Variants in CEACAM21 observed in about 807,000 individuals in gnomAD.
The protein encoded by CEACAM21 is cell adhesion molecule CEACAM21.
Under a neutral mutation model 33.2 loss-of-function variants are expected in CEACAM21, and 38 were observed. That is an observed-to-expected ratio of 1.14 (90% CI 0.88 to 1.50). CEACAM21 has a LOEUF of 1.50. Among genes scored for constraint, CEACAM21 ranks in the 40% most tolerant of loss-of-function variants. The pLI is 0.00. For synonymous variants in CEACAM21, 156 were observed against 143.0 expected (o/e 1.09, Z -0.65); for missense variants, 385 against 364.6 (o/e 1.06, Z -0.46).
chr19:41,581,539 C>G (rs2043385905), intron 3 of CEACAM21, among the ~76,000 whole-genome samples: 1 of 152,098 alleles, frequency 6.6e-6, no homozygotes, highest in Non-Finnish European at 1.5e-5. Context: ...CCGAGCTGGT[C>G]TTGGCTGCTG....
In CEACAM21 at chr19:41,584,408, A is replaced by C. The variant is rs202112556; in HGVS notation, c.762A>C (p.Ala254=). The C allele has an allele frequency of 4.2e-5, 68 of 1,610,304 alleles. No homozygotes were observed. The Admixed American group carries it at 4.4e-4, about 10-fold the overall frequency. ...GVLVGSLLVA[A]LVCFLLLRKT... ...TGGTTGGGAGTCTTCTGGTGGCTGC[A>C]CTTGTGTGTTTCCTGCTCCTCCGAA... Residue 254 remains alanine, a synonymous_variant, in exon 4 of 7, where the codon GCA becomes GCC. Transcript: ENST00000401445.
At position 41,579,552 on chromosome 19, in the gene CEACAM21, C is replaced by T. The variant is rs145055281; in HGVS notation, c.624C>T (p.Asp208=). The T allele has an allele frequency of 1.1e-5, 18 of 1,608,176 alleles. No homozygotes were observed. The highest frequency in any genetic ancestry group is 3.4e-5 in the Admixed American group (2 of 58,950). The part of the protein sequence containing the change: ...VLTIDPIRQE[D]AGEYQCEVSN... Reference sequence around the variant, plus strand: ...CCATAGACCCCATCAGGCAGGAGGACGCTGGGGAGTATCAGTGTGAGGTCT... The same window carrying T: ...CCATAGACCCCATCAGGCAGGAGGATGCTGGGGAGTATCAGTGTGAGGTCT... The change falls in exon 3 of 7, where the codon GAC becomes GAT. Residue 208 remains aspartate, a synonymous_variant. Coordinates refer to ENST00000401445, the MANE Select transcript of CEACAM21 (RefSeq NM_001098506.4).
intron 3 of CEACAM21, among the ~76,000 whole-genome samples, chr19:41,581,878 C>G (rs11879359): frequency 6.6e-6 from 1 of 152,118 alleles, no homozygotes; most frequent in African/African-American, 2.4e-5. Context: ...TCATTCCACC[C>G]GACCCCTCCC....
At chr19:41,580,939 CT>C (rs2043329700) in intron 3 of CEACAM21, among the ~76,000 whole-genome samples, 1 of 152,214 alleles carries the variant, frequency 6.6e-6, no homozygotes, top group African/African-American at 2.4e-5. Flanking sequence ...TGCCTAGGGG[CT>C]GCCAGTCATC....
intron 1 of CEACAM21, among the ~76,000 whole-genome samples, chr19:41,556,696 C>T (rs2041553701): frequency 6.6e-6 from 1 of 152,222 alleles, no homozygotes; most frequent in Admixed American, 6.5e-5. Flanking sequence ...GAATTGAACC[C>T]AGGCCATGGT....
At chr19:41,565,307 G>C (rs1027846412) in intron 2 of CEACAM21, among the ~76,000 whole-genome samples, 9 of 152,158 alleles carry the variant, frequency 5.9e-5, no homozygotes, top group African/African-American at 2.2e-4. Context: ...CTAAGGAGAG[G>C]AGTGAAGGTG....
Position 41,586,489 on chromosome 19 carries a change from T to C in CEACAM21, c.*26T>C. The C allele has an allele frequency of 1.6e-6, 1 of 637,612 alleles. No homozygotes were observed. Among genetic ancestry groups the C allele is most frequent in the South Asian group, 1.4e-5 (1 of 73,436 alleles). The allele number at this position is 637,612 out of a possible 1,614,324, so 39.5% of individuals were successfully genotyped here. A position where few individuals can be genotyped will look rare whatever the true frequency, so the allele number is the denominator to read the frequency against. On this transcript the variant is annotated 3_prime_UTR_variant, in exon 7 of 7. Coordinates refer to ENST00000401445, the MANE Select transcript of CEACAM21 (RefSeq NM_001098506.4). ...GAATTGCTACACTCTGACACAAACA[T>C]TTACTGCTGGATCGACCACAAAGCA...
chr19:41,577,796 T>C (rs1436912978), intron 2 of CEACAM21, among the ~76,000 whole-genome samples: 3 of 152,312 alleles, frequency 2.0e-5, no homozygotes, highest in Middle Eastern at 3.4e-3. Context: ...ATGCGGGAGA[T>C]GCAGCGGGGG....
intron 1 of CEACAM21, 118 bp from the exon 2 acceptor site, chr19:41,577,080 GAC>G (rs148980547): frequency 0.077 from 56,996 of 738,096 alleles, no homozygotes; most frequent in South Asian, 0.12. Context: ...GACCCAGTAG[GAC>G]ACACACACAC....
chr19:41,550,199 T>C (rs994048749), intron 1 of CEACAM21: 1 of 152,210 alleles, frequency 6.6e-6, no homozygotes, highest in African/African-American at 2.4e-5. Context: ...AGAAGTTTGG[T>C]TTAATTTCTA....
rs117834151 is a variant in CEACAM21 at position 41,564,975 on chromosome 19, G to T, written c.-485G>T. On this transcript the variant is annotated 5_prime_UTR_variant, in exon 2 of 8. Transcript: ENST00000407170. Reference sequence around the variant, plus strand: ...CGAAGGGTGAGGGAGGGACTGCAGCGCAGGAACTGAGGAGGAGAGGCCCGC... The same window carrying T: ...CGAAGGGTGAGGGAGGGACTGCAGCTCAGGAACTGAGGAGGAGAGGCCCGC... The T allele has an allele frequency of 3.6e-3, 556 of 152,524 alleles. 1 individual carries two copies. Among genetic ancestry groups the T allele is most frequent in the Admixed American group, 8.0e-3 (123 of 15,306 alleles). 9.4% of individuals were successfully genotyped at this position (152,524 alleles called of 1,614,324 possible).
chr19:41,576,151 G>A, upstream of CEACAM21: 1 of 1,170,106 alleles, frequency 8.5e-7, no homozygotes, highest in Middle Eastern at 2.1e-4. Context: ...GCTCCTGCCT[G>A]AGAGGAAGCT....
At position 41,586,733 on chromosome 19, in the gene CEACAM21, C is replaced by T. The variant is rs929234111; in HGVS notation, c.*270C>T. ...GCCCCGGGCTCTGGGTGGGCCAAGG[C>T]GAAGGCTTCCCATCACCACAGGAAG... On this transcript the variant is annotated 3_prime_UTR_variant, in exon 7 of 7. Transcript: ENST00000401445. The T allele has an allele frequency of 3.8e-5, 14 of 370,638 alleles. No individual in the cohort carries two copies. The highest frequency in any genetic ancestry group is 8.8e-4 in the Middle Eastern group (1 of 1,138). The allele number at this position is 370,638 out of a possible 1,614,324, so 23.0% of individuals were successfully genotyped here.
intron 2 of CEACAM21, among the ~76,000 whole-genome samples, chr19:41,578,629 T>G (rs1555792171): frequency 6.6e-6 from 1 of 152,084 alleles, no homozygotes; most frequent in Non-Finnish European, 1.5e-5. Context: ...GAGAGGGAGA[T>G]TCTGGTCTGA....
intron 2 of CEACAM21, among the ~76,000 whole-genome samples, chr19:41,578,516 G>T (rs145028284): frequency 1.1e-3 from 171 of 152,294 alleles, no homozygotes; most frequent in African/African-American, 4.0e-3. Context: ...ACCACCGTGT[G>T]TCTGCAGCCC....
intron 1 of CEACAM21, chr19:41,551,919 T>C (rs1355489158): frequency 6.6e-6 from 1 of 152,136 alleles, no homozygotes; most frequent in Non-Finnish European, 1.5e-5. Flanking sequence ...CCAGCCAGTG[T>C]GTTCCCAGAC....
intron 6 of CEACAM21, 135 bp from the exon 7 acceptor site, chr19:41,586,329 A>C: frequency 1.7e-6 from 1 of 587,430 alleles, no homozygotes; most frequent in Non-Finnish European, 3.2e-6. Context: ...CAGAGGAGGG[A>C]GGGGCCTGGG....
At chr19:41,570,181 C>G (rs1301788851) in intron 2 of CEACAM21, among the ~76,000 whole-genome samples, 1 of 152,294 alleles carries the variant, frequency 6.6e-6, no homozygotes, top group African/African-American at 2.4e-5. Flanking sequence ...GAGGGTGACA[C>G]AGGACTCAGG....
At chr19:41,571,001 C>T (rs530061998) in intron 2 of CEACAM21, among the ~76,000 whole-genome samples, 2 of 152,064 alleles carry the variant, frequency 1.3e-5, no homozygotes, top group East Asian at 3.9e-4. Flanking sequence ...CACAGCAGGG[C>T]TCTCCACTCC....
Sources: gnomAD v4.1 joint callset for allele counts (sites outside exome capture counted in the v4.1 genomes callset) on GRCh38, gnomAD v4.1.1 for gene constraint, MANE v1.5 for transcripts, NCBI Gene and HGNC (gene_info 2026-07-23, HGNC 2026-07-21) for gene names.